Variants in HDGFL2 observed in about 807,000 individuals in gnomAD.
HDGFL2 encodes the protein hepatoma-derived growth factor-related protein 2.
HDGFL2 carries 36 observed loss-of-function variants against 77.1 expected under a neutral mutation model. The ratio of observed to expected loss-of-function variants is 0.47; its 90% CI spans 0.36 to 0.62. HDGFL2 has a LOEUF of 0.62. HDGFL2 is among the 20% of genes least tolerant of loss of function. The pLI is 0.00. For synonymous variants in HDGFL2, 463 were observed against 413.1 expected, an observed-to-expected ratio of 1.12 and a Z score of -1.46; for missense variants, 976 against 973.4, an observed-to-expected ratio of 1.00 and a Z score of -0.04.
chr19:4,489,014 C>T (rs1975437842), intron 4 of HDGFL2, 138 bp downstream of exon 4: 1 of 655,544 alleles, frequency 1.5e-6, no homozygotes, highest in Non-Finnish European at 2.5e-6. Flanking sequence ...AGTGCAGTGG[C>T]GTGATCTCGA....
intron 3 of HDGFL2, 89 bp from the exon 4 acceptor site, chr19:4,488,587 T>A: frequency 8.5e-7 from 1 of 1,182,928 alleles, no homozygotes; most frequent in East Asian, 2.6e-5. Context: ...GGATCCCGCA[T>A]GTGGTTGCCG....
intron 10 of HDGFL2, chr19:4,497,653 C>G (rs746587317): frequency 3.6e-5 from 16 of 446,968 alleles, no homozygotes; most frequent in Non-Finnish European, 6.1e-5. Context: ...GGGCCTTTTC[C>G]TAGCTCGCTG....
At chr19:4,498,160 G>T in intron 11 of HDGFL2, 129 bp downstream of exon 11, 1 of 1,154,606 alleles carries the variant, frequency 8.7e-7, no homozygotes, top group East Asian at 2.6e-5. Flanking sequence ...CGGCCTGGCC[G>T]GCGGTGCCTC....
intron 13 of HDGFL2, among the ~76,000 whole-genome samples, 153 bp from the exon 14 acceptor site, chr19:4,499,336 ACT>A (rs1975791818): frequency 1.5e-5 from 2 of 134,924 alleles, no homozygotes; most frequent in South Asian, 4.7e-4. Context: ...ACAGGGCGAG[ACT>A]CTGTCTCAAA....
At chr19:4,487,496 A>G (rs1975393355) in intron 3 of HDGFL2, among the ~76,000 whole-genome samples, 1 of 148,586 alleles carries the variant, frequency 6.7e-6, no homozygotes, top group South Asian at 2.1e-4. Flanking sequence ...GGCTCAAGTG[A>G]TCCTTCTGCC....
chr19:4,500,232 C>T (rs1019082008), intron 14 of HDGFL2, among the ~76,000 whole-genome samples: 6 of 152,172 alleles, frequency 3.9e-5, no homozygotes, highest in African/African-American at 1.4e-4. Context: ...GATGGGCGAG[C>T]TTGGGATGGG....
rs754117025 is a variant in HDGFL2 at position 4,497,943 on chromosome 19, A to G, written c.1329-15A>G. ...CCGGTGACGGGGCCCGACTGAGGGG[A>G]GCACTTCTCCACAGGCCCGTGAAGG... On this transcript the variant is annotated splice_polypyrimidine_tract_variant and intron_variant, in intron 10 of 15. Coordinates refer to ENST00000616600, the MANE Select transcript of HDGFL2 (RefSeq NM_001001520.3). 3.2e-6 allele frequency: 5 copies of G among 1,550,616 alleles called. No individual in the cohort carries two copies. Among genetic ancestry groups the G allele is most frequent in the Non-Finnish European group, 1.7e-6 (2 of 1,146,396 alleles).
chr19:4,486,028 G>A (rs1000298425), intron 3 of HDGFL2, among the ~76,000 whole-genome samples: 2 of 148,758 alleles, frequency 1.3e-5, no homozygotes, highest in African/African-American at 5.0e-5. Flanking sequence ...ACTCCAGCCT[G>A]GGTGACAGAG....
At chr19:4,472,832 C>T (rs1486871091) in intron 1 of HDGFL2, among the ~76,000 whole-genome samples, 1 of 132,856 alleles carries the variant, frequency 7.5e-6, no homozygotes, top group Non-Finnish European at 1.6e-5. Flanking sequence ...TGGGGGTCCT[C>T]GGCCTCAGGG....
Position 4,494,478 on chromosome 19 carries a change from G to T in HDGFL2, c.1224+3G>T. Reference sequence around the variant, plus strand: ...CCGAGGCCGAGCTGGAGAGAGAGGTGAGCCGGGAGGGCGCCGGGAGTCCCT... The same window carrying T: ...CCGAGGCCGAGCTGGAGAGAGAGGTTAGCCGGGAGGGCGCCGGGAGTCCCT... On this transcript the variant is annotated splice_donor_region_variant and intron_variant, in intron 9 of 15. Coordinates refer to ENST00000616600, the MANE Select transcript of HDGFL2 (RefSeq NM_001001520.3). The T allele has an allele frequency of 7.3e-7, 1 of 1,379,020 alleles. No individual in the cohort carries two copies. 85.4% of individuals were successfully genotyped at this position (1,379,020 alleles called of 1,614,324 possible). A position where few individuals can be genotyped will look rare whatever the true frequency, so the allele number is the denominator to read the frequency against.
intron 4 of HDGFL2, among the ~76,000 whole-genome samples, chr19:4,489,564 C>T (rs1048202589): frequency 7.9e-5 from 12 of 152,074 alleles, no homozygotes; most frequent in African/African-American, 2.2e-4. Flanking sequence ...CCACCACGCC[C>T]GGCTAATTTT....
chr19:4,492,414 C>A (rs980333684), intron 6 of HDGFL2, among the ~76,000 whole-genome samples: 1 of 151,202 alleles, frequency 6.6e-6, no homozygotes, highest in Non-Finnish European at 1.5e-5. Flanking sequence ...CTCTCCTCTG[C>A]GTCTATGTGT....
In HDGFL2 at chr19:4,488,813, CGACTCA is replaced by C. The variant is rs898524806; in HGVS notation, c.436_441del (p.Ser146_Asp147del). Reference sequence around the variant, plus strand: ...CAGCTGCCAGCGACAGGATGGAGAGCGACTCAGACTCAGACAAGAGTAGCGACAACA... The same window carrying C: ...CAGCTGCCAGCGACAGGATGGAGAGCGACTCAGACAAGAGTAGCGACAACA... On this transcript the variant is annotated inframe_deletion, in exon 4 of 16. Coordinates refer to ENST00000616600, the MANE Select transcript of HDGFL2 (RefSeq NM_001001520.3). The C allele has an allele frequency of 2.6e-6, 4 of 1,551,720 alleles. No individual in the cohort carries two copies. Among genetic ancestry groups the C allele is most frequent in the African/African-American group, 1.4e-5 (1 of 73,156 alleles).
chr19:4,501,458 A>G, intron 15 of HDGFL2, 141 bp downstream of exon 15: 1 of 1,013,446 alleles, frequency 9.9e-7, no homozygotes, highest in South Asian at 1.8e-5. Flanking sequence ...TCCCACCTTC[A>G]CAGCTGACCC....
chr19:4,496,609 C>A (rs1399793612), intron 10 of HDGFL2, among the ~76,000 whole-genome samples: 1 of 152,164 alleles, frequency 6.6e-6, no homozygotes, highest in Non-Finnish European at 1.5e-5. Context: ...GGGGTCTCCT[C>A]CAGGGCGATC....
rs1975641704 is a variant in HDGFL2, at chr19:4,494,347, A to G, written c.1096A>G (p.Ser366Gly). ...RADRGEAERG[S>G]GGSSGDELRE... ...CGACCGCGGGGAGGCTGAGCGGGGC[A>G]GCGGCGGCAGCAGCGGGGACGAGCT... Residue 366 changes from serine (S) to glycine (G), a missense_variant, in exon 9 of 16, where the codon AGC (serine) becomes GGC (glycine). Ser to Gly is a moderately conservative substitution (Grantham distance 56). This residue lies in a region of HDGFL2 where 567 missense variants were observed against 534.7 expected (regional missense o/e 1.06). Transcript: ENST00000616600. 1 of 1,408,554 alleles carries G rather than the reference A, an allele frequency of 7.1e-7. No homozygotes were observed. 87.3% of individuals were successfully genotyped at this position (1,408,554 alleles called of 1,614,324 possible). A position where few individuals can be genotyped will look rare whatever the true frequency, so the allele number is the denominator to read the frequency against.
intron 6 of HDGFL2, 22 bp from the exon 7 acceptor site, chr19:4,493,681 G>C (rs930245603): frequency 2.1e-6 from 3 of 1,440,840 alleles, no homozygotes; most frequent in Admixed American, 5.5e-5. Context: ...TGATGCTCAC[G>C]CCTGTCCCTG....
chr19:4,492,283 A>G (rs1006712742), intron 6 of HDGFL2, among the ~76,000 whole-genome samples: 6 of 151,420 alleles, frequency 4.0e-5, no homozygotes, highest in Non-Finnish European at 7.4e-5. Flanking sequence ...GTATGTGTGC[A>G]GTGTGTGTGT....
At chr19:4,472,508 G>T in intron 1 of HDGFL2, 86 bp downstream of exon 1, 1 of 913,396 alleles carries the variant, frequency 1.1e-6, no homozygotes, top group South Asian at 2.5e-5. Flanking sequence ...TGGAGGGCCG[G>T]GGTTGTCCTG....
Sources: gnomAD v4.1 joint callset for allele counts (sites outside exome capture counted in the v4.1 genomes callset) on GRCh38, gnomAD v4.1.1 for gene constraint, gnomAD v4.1.1 regional missense constraint, MANE v1.5 for transcripts, NCBI Gene and HGNC (gene_info 2026-07-23, HGNC 2026-07-21) for gene names.